The following MGAT4A variants were observed in gnomAD, a reference collection of about 807,000 sequenced individuals.
MGAT4A encodes the protein N-acetylglucosaminyltransferase IVa.
Under a neutral mutation model 74.1 loss-of-function variants are expected in MGAT4A, and 33 were observed. The ratio of observed to expected loss-of-function variants is 0.45; its 90% confidence interval spans 0.34 to 0.60. The LOEUF (loss-of-function observed/expected upper bound fraction) is 0.60, where lower values mean the gene tolerates loss of function less well. MGAT4A is among the 20% of genes least tolerant of loss of function. MGAT4A has a pLI of 0.02. For missense variants in MGAT4A, 479 were observed against 628.3 expected (o/e 0.76, Z 2.54); for synonymous variants, 198 against 210.4 (o/e 0.94, Z 0.51).
In MGAT4A at chr2:98,623,929, T is replaced by TCTGC. The variant is rs1559152428; in HGVS notation, c.*1633_*1636dup. On this transcript the variant is annotated 3_prime_UTR_variant, in exon 16 of 16. Coordinates refer to ENST00000393487, the MANE Select transcript of MGAT4A (RefSeq NM_012214.3). Reference sequence around the variant, plus strand: ...CTCTGAAAGCTCAGCAGAATCCATCTCTGCCCGTCTGCAACCAACCTGCAA... The same window carrying TCTGC: ...CTCTGAAAGCTCAGCAGAATCCATCTCTGCCTGCCCGTCTGCAACCAACCTGCAA... The TCTGC allele has an allele frequency of 8.1e-5, 80 of 985,422 alleles. No individual in the cohort carries two copies. Among genetic ancestry groups the TCTGC allele is most frequent in the Non-Finnish European group, 9.6e-5 (80 of 829,980 alleles). 61.0% of individuals were successfully genotyped at this position (985,422 alleles called of 1,614,324 possible).
At chr2:98,634,451 G>C (rs1356049122) in intron 14 of MGAT4A, among the ~76,000 whole-genome samples, 2 of 151,970 alleles carry the variant, frequency 1.3e-5, no homozygotes, top group Admixed American at 6.6e-5. Context: ...AAGAATGAGA[G>C]AAAGTCACAG....
chr2:98,636,721 T>C, intron 12 of MGAT4A, 126 bp from the exon 13 acceptor site: 1 of 724,770 alleles, frequency 1.4e-6, no homozygotes, highest in Non-Finnish European at 2.4e-6. Context: ...TTGACAACGC[T>C]AGAGCTTCTA....
intron 2 of MGAT4A, among the ~76,000 whole-genome samples, chr2:98,715,497 A>C (rs1289268629): frequency 6.6e-6 from 1 of 152,178 alleles, no homozygotes; most frequent in East Asian, 1.9e-4. Context: ...TGTCCTCTGC[A>C]GGGACACAGA....
In MGAT4A at chr2:98,619,218, C is replaced by T. The variant is rs1294273265; in HGVS notation, c.*6348G>A. Reference sequence around the variant, plus strand: ...TGGCACAGAGAAACAGTGATGAAGGCACAATCAACAGGACCAGTTACTAGG... The same window carrying T: ...TGGCACAGAGAAACAGTGATGAAGGTACAATCAACAGGACCAGTTACTAGG... On this transcript the variant is annotated 3_prime_UTR_variant, in exon 16 of 16. Coordinates refer to ENST00000393487, the MANE Select transcript of MGAT4A (RefSeq NM_012214.3). The T allele has an allele frequency of 2.0e-5, 3 of 152,434 alleles. No homozygotes were observed. Among genetic ancestry groups the T allele is most frequent in the East Asian group, 3.8e-4 (2 of 5,196 alleles). The allele number at this position is 152,434 out of a possible 1,614,324, so 9.4% of individuals were successfully genotyped here.
At chr2:98,663,586 A>G (rs1701784608) in intron 4 of MGAT4A, 3 of 690,206 alleles carry the variant, frequency 4.3e-6, no homozygotes, top group South Asian at 7.0e-5. Context: ...TCTTGCCAAC[A>G]ATGCATAACC....
Position 98,623,133 on chromosome 2 carries a change from G to A in MGAT4A, c.*2433C>T, listed in dbSNP as rs1310572237. 2.0e-6 allele frequency: 2 copies of A among 985,348 alleles called. No homozygotes were observed. The highest frequency in any genetic ancestry group is 3.5e-5 in the African/African-American group (2 of 57,222). 61.0% of individuals were successfully genotyped at this position (985,348 alleles called of 1,614,324 possible). ...TGCCTGGCACACACCCTAGGCACGG[G>A]TAGATTCATGGGGAGAGAAGCACAA... On this transcript the variant is annotated 3_prime_UTR_variant, in exon 16 of 16. Coordinates refer to ENST00000393487, the MANE Select transcript of MGAT4A (RefSeq NM_012214.3).
In MGAT4A at chr2:98,622,433, T is replaced by G. The variant is rs952637120; in HGVS notation, c.*3133A>C. ...AGCCCCCATGTGTCTACTGGCTATA[T>G]GTGTTTTTAAAACTAGTCCCAACCT... On this transcript the variant is annotated 3_prime_UTR_variant, in exon 16 of 16. Coordinates refer to ENST00000393487, the MANE Select transcript of MGAT4A (RefSeq NM_012214.3). 3.0e-6 allele frequency: 3 copies of G among 985,356 alleles called. No homozygotes were observed. The African/African-American group carries it at 5.2e-5, about 17-fold the overall frequency. The allele number at this position is 985,356 out of a possible 1,614,324, so 61.0% of individuals were successfully genotyped here. A position where few individuals can be genotyped will look rare whatever the true frequency, so the allele number is the denominator to read the frequency against.
At position 98,712,366 on chromosome 2, in the gene MGAT4A, T is replaced by C. The variant is rs57591562; in HGVS notation, c.94+13873A>G. On this transcript the variant is annotated intron_variant, in intron 2 of 15. Transcript: ENST00000393487. ...AATGCATGAGTAACACTACTGATTC[T>C]CATCACTTGTCTGGGTCCTTCAGAG... Among the ~76,000 whole-genome samples, 714 of 152,302 alleles carry C rather than the reference T, an allele frequency of 4.7e-3. 8 individuals are homozygous for C. The highest frequency in any genetic ancestry group is 0.017 in the African/African-American group (692 of 41,566).
At chr2:98,637,004 T>C (rs1216956500) in intron 12 of MGAT4A, among the ~76,000 whole-genome samples, 1 of 152,194 alleles carries the variant, frequency 6.6e-6, no homozygotes, top group East Asian at 1.9e-4. Flanking sequence ...CCAGTAGTCA[T>C]GGCATGTCCA....
At position 98,640,102 on chromosome 2, in the gene MGAT4A, A is replaced by G; in HGVS notation, c.1128+19T>C. Reference sequence around the variant, plus strand: ...TAACAAGTTGTATGTTCATGAGAAAATAAAATTAAGTCACCAACCGTGAGT... The same window carrying G: ...TAACAAGTTGTATGTTCATGAGAAAGTAAAATTAAGTCACCAACCGTGAGT... On this transcript the variant is annotated intron_variant, in intron 11 of 15. Coordinates refer to ENST00000393487, the MANE Select transcript of MGAT4A (RefSeq NM_012214.3). 1 of 1,588,398 alleles carries G rather than the reference A, an allele frequency of 6.3e-7. No individual in the cohort carries two copies. Among genetic ancestry groups the G allele is most frequent in the Non-Finnish European group, 8.6e-7 (1 of 1,167,236 alleles).
At chr2:98,665,149 G>A (rs986548153) in intron 4 of MGAT4A, among the ~76,000 whole-genome samples, 5 of 151,962 alleles carry the variant, frequency 3.3e-5, no homozygotes, top group African/African-American at 1.2e-4. Context: ...CTAACACGGT[G>A]AAACCCTGTC....
intron 3 of MGAT4A, among the ~76,000 whole-genome samples, chr2:98,675,743 G>A (rs772161005): frequency 3.3e-5 from 5 of 151,912 alleles, no homozygotes; most frequent in African/African-American, 9.7e-5. Context: ...TTGTACAGAC[G>A]GGAGTCTCAC....
chr2:98,704,943 C>G (rs1264527565), intron 2 of MGAT4A, among the ~76,000 whole-genome samples: 2 of 152,052 alleles, frequency 1.3e-5, no homozygotes, highest in African/African-American at 4.8e-5. Flanking sequence ...GAGAGTACAC[C>G]AGAGGCGCAA....
At chr2:98,665,960 C>A (rs1701823491) in intron 4 of MGAT4A, among the ~76,000 whole-genome samples, 1 of 152,226 alleles carries the variant, frequency 6.6e-6, no homozygotes, top group Non-Finnish European at 1.5e-5. Flanking sequence ...GGTCACATTG[C>A]ATATAACAAA....
intron 2 of MGAT4A, among the ~76,000 whole-genome samples, chr2:98,714,768 T>G (rs1405563151): frequency 6.6e-6 from 1 of 152,080 alleles, no homozygotes; most frequent in Admixed American, 6.5e-5. Context: ...GAGGTGGTAG[T>G]TGCACAACAT....
chr2:98,724,178 C>T (rs1702726928), intron 2 of MGAT4A, among the ~76,000 whole-genome samples: 2 of 152,040 alleles, frequency 1.3e-5, no homozygotes, highest in Admixed American at 1.3e-4. Context: ...AAGATAGGTA[C>T]ATGTAAGGGA....
intron 2 of MGAT4A, among the ~76,000 whole-genome samples, chr2:98,709,536 T>C (rs529313192): frequency 6.6e-6 from 1 of 152,132 alleles, no homozygotes; most frequent in South Asian, 2.1e-4. Flanking sequence ...GTTTTTAAGT[T>C]TAACTTACAC....
At chr2:98,653,515 A>C (rs367690590) in intron 8 of MGAT4A, among the ~76,000 whole-genome samples, 41 of 152,198 alleles carry the variant, frequency 2.7e-4, no homozygotes, top group African/African-American at 9.4e-4. Context: ...ATATCACAGA[A>C]ATAGAAGAAT....
intron 4 of MGAT4A, among the ~76,000 whole-genome samples, chr2:98,668,866 C>T (rs1412282280): frequency 6.6e-6 from 1 of 152,250 alleles, no homozygotes; most frequent in African/African-American, 2.4e-5. Context: ...TGAGATTTCA[C>T]TGCCCTGCTG....
Sources: allele counts gnomAD v4.1 joint callset (sites outside exome capture counted in the v4.1 genomes callset), GRCh38; gene constraint gnomAD v4.1.1; transcripts MANE v1.5; gene names NCBI Gene and HGNC (gene_info 2026-07-23, HGNC 2026-07-21).